Variants in EFEMP1 observed in about 807,000 individuals in gnomAD.
The protein encoded by EFEMP1 is EGF-containing fibulin-like extracellular matrix protein 1.
EFEMP1 carries 18 observed loss-of-function variants against 65.7 expected under a neutral mutation model. That is an observed-to-expected ratio of 0.27 (90% CI 0.19 to 0.41). EFEMP1 has a LOEUF of 0.41. Among genes scored for constraint, EFEMP1 ranks in the 10% least tolerant of loss-of-function variants. The pLI, the probability that EFEMP1 is intolerant of heterozygous loss-of-function variation, is 1.00. For synonymous variants in EFEMP1, 237 were observed against 219.7 expected, an observed-to-expected ratio of 1.08 and a Z score of -0.70; for missense variants, 469 against 624.8, an observed-to-expected ratio of 0.75 and a Z score of 2.66.
In EFEMP1 at chr2:55,917,382, G is replaced by T. The variant is rs746343797; in HGVS notation, c.517+283C>A. On this transcript the variant is annotated intron_variant, in intron 5 of 11. Transcript: ENST00000355426. This position sits in a 1 kb window ranked among gnomAD's most constrained non-coding sequence, Gnocchi z 6.3. ...TTTAACTGGGCTGGGGTGTAGCTTC[G>T]CCATCGAGAAGTTTTAAAGGTTCCC... 6.6e-6 allele frequency among the ~76,000 whole-genome samples: 1 copy of T among 152,102 alleles called. No homozygotes were observed. Among genetic ancestry groups the T allele is most frequent in the Non-Finnish European group, 1.5e-5 (1 of 68,032 alleles).
chr2:55,900,005 A>C (rs1669972445), intron 5 of EFEMP1, among the ~76,000 whole-genome samples: 1 of 152,104 alleles, frequency 6.6e-6, no homozygotes, highest in African/African-American at 2.4e-5. Flanking sequence ...CCACTTCTTC[A>C]AATTTGTTCC....
Position 55,871,178 on chromosome 2 carries a change from T to G in EFEMP1, c.1001-55A>C. 2 of 1,609,726 alleles carry G rather than the reference T, an allele frequency of 1.2e-6. No individual in the cohort carries two copies. The highest frequency in any genetic ancestry group is 1.7e-6 in the Non-Finnish European group (2 of 1,178,252). On this transcript the variant is annotated intron_variant, in intron 9 of 11. Transcript: ENST00000355426. The surrounding 1 kb of genome is among the most constrained non-coding windows in gnomAD (Gnocchi z 4.2). The stretch of plus-strand genomic sequence containing the variant: ...TAACTAAACTAATGAACTGATCTAA[T>G]TAAATCATATAACTGGCAGATTCTG...
Position 55,873,582 on chromosome 2 carries a change from T to C in EFEMP1, c.1000+1364A>G, listed in dbSNP as rs1402050622. On this transcript the variant is annotated intron_variant, in intron 9 of 11. Transcript: ENST00000355426. The surrounding 1 kb of genome is among the most constrained non-coding windows in gnomAD (Gnocchi z 4.6). Reference sequence around the variant, plus strand: ...AGCTAACATTTTCTTGCATGTAATATGCATGTTGAAAGTCTCAATTAGGGT... The same window carrying C: ...AGCTAACATTTTCTTGCATGTAATACGCATGTTGAAAGTCTCAATTAGGGT... 1.3e-5 allele frequency among the ~76,000 whole-genome samples: 2 copies of C among 152,078 alleles called. No homozygotes were observed. Among genetic ancestry groups the C allele is most frequent in the African/African-American group, 4.8e-5 (2 of 41,436 alleles).
rs1419090718 is a variant in EFEMP1, at chr2:55,866,372, C to T, written c.*701G>A. On this transcript the variant is annotated 3_prime_UTR_variant, in exon 12 of 12. Transcript: ENST00000355426. ...AGGAATTTATTTTCTCATATCCTCC[C>T]CATAGATTTCTCAATAGTATAATTT... 2 of 152,070 alleles carry T rather than the reference C, an allele frequency of 1.3e-5. No individual in the cohort carries two copies. Among genetic ancestry groups the T allele is most frequent in the Non-Finnish European group, 2.9e-5 (2 of 68,018 alleles). The allele number at this position is 152,070 out of a possible 1,614,324, so 9.4% of individuals were successfully genotyped here. A position where few individuals can be genotyped will look rare whatever the true frequency, so the allele number is the denominator to read the frequency against.
rs1669088195 is a variant in EFEMP1 at position 55,877,673 on chromosome 2, C to T, written c.760+73G>A. 1 of 1,604,230 alleles carries T rather than the reference C, an allele frequency of 6.2e-7. No individual in the cohort carries two copies. The highest frequency in any genetic ancestry group is 1.1e-5 in the South Asian group (1 of 90,544). On this transcript the variant is annotated intron_variant, in intron 7 of 11. Transcript: ENST00000355426. This position sits in a 1 kb window ranked among gnomAD's most constrained non-coding sequence, Gnocchi z 4.5. ...ACTATTTACTCAAGAACATAGAAAA[C>T]TGGAAATACTGCAACATGGCATGGG...
intron 5 of EFEMP1, among the ~76,000 whole-genome samples, chr2:55,908,062 T>G (rs1670347705): frequency 6.6e-6 from 1 of 152,212 alleles, no homozygotes; most frequent in Admixed American, 6.5e-5. Flanking sequence ...TCCTGAGAGC[T>G]ATGACTTTTT....
intron 5 of EFEMP1, among the ~76,000 whole-genome samples, chr2:55,889,483 C>T (rs942789837): frequency 6.6e-6 from 1 of 152,142 alleles, no homozygotes; most frequent in African/African-American, 2.4e-5. Flanking sequence ...CAATGTTTCT[C>T]CATATGCCTC....
rs916057628 is a variant in EFEMP1 at position 55,921,456 on chromosome 2, G to A, written c.81+904C>T. Among the ~76,000 whole-genome samples, 3 of 152,074 alleles carry A rather than the reference G, an allele frequency of 2.0e-5. No homozygotes were observed. Among genetic ancestry groups the A allele is most frequent in the Admixed American group, 6.5e-5 (1 of 15,274 alleles). On this transcript the variant is annotated intron_variant, in intron 3 of 11. Coordinates refer to ENST00000355426, the MANE Select transcript of EFEMP1 (RefSeq NM_001039348.3). This position sits in a 1 kb window ranked among gnomAD's most constrained non-coding sequence, Gnocchi z 4.1. ...TTTCAAAAATTTTTCACATTCTTTC[G>A]AGTAGGATTACTTAATTTTAAACTG...
chr2:55,876,565 AAAC>A, intron 8 of EFEMP1, 55 bp downstream of exon 8: 1 of 1,598,940 alleles, frequency 6.3e-7, no homozygotes, highest in Non-Finnish European at 8.5e-7. Flanking sequence ...TAATCAGATA[AAAC>A]AACAGCAGTC....
intron 5 of EFEMP1, 47 bp from the exon 6 acceptor site, chr2:55,881,781 TTGA>T: frequency 3.1e-6 from 5 of 1,613,454 alleles, no homozygotes; most frequent in Non-Finnish European, 4.2e-6. Context: ...TGTGAAGATG[TTGA>T]TATTTCCTCC....
chr2:55,880,202 GTCGAGGAATGTAGACTTGATT>G (rs1449569816), intron 6 of EFEMP1, among the ~76,000 whole-genome samples: 7 of 152,248 alleles, frequency 4.6e-5, no homozygotes, highest in African/African-American at 1.7e-4. Flanking sequence ...TTCATGCTCT[GTCGAGGAATGTAGACTTGATT>G]CTCTCAGTGA....
At chr2:55,878,558 A>C (rs1482694807) in intron 6 of EFEMP1, among the ~76,000 whole-genome samples, 2 of 152,214 alleles carry the variant, frequency 1.3e-5, no homozygotes, top group South Asian at 2.1e-4. Flanking sequence ...TCATTAATTC[A>C]TGATTCTACA....
intron 9 of EFEMP1, among the ~76,000 whole-genome samples, chr2:55,872,177 C>A (rs1325395457): frequency 6.6e-6 from 1 of 152,116 alleles, no homozygotes; most frequent in Non-Finnish European, 1.5e-5. Context: ...TAAACTTTTT[C>A]TGAATCATTC....
chr2:55,905,407 C>T (rs1243757965), intron 5 of EFEMP1, among the ~76,000 whole-genome samples: 5 of 152,092 alleles, frequency 3.3e-5, no homozygotes, highest in Non-Finnish European at 5.9e-5. Flanking sequence ...GTAAAGTCTG[C>T]CTGTTCCTGA....
At chr2:55,904,973 TTTTTTC>T (rs1266359494) in intron 5 of EFEMP1, among the ~76,000 whole-genome samples, 2 of 36,114 alleles carry the variant, frequency 5.5e-5, no homozygotes, top group Admixed American at 2.6e-4. Flanking sequence ...TGGCTTTTTT[TTTTTTC>T]TTTTTCTTTT....
intron 5 of EFEMP1, among the ~76,000 whole-genome samples, chr2:55,916,338 G>A (rs1044126666): frequency 6.6e-6 from 1 of 152,044 alleles, no homozygotes; most frequent in African/African-American, 2.4e-5. Flanking sequence ...TTGAACTCCC[G>A]ACCTCAGGTG....
chr2:55,894,273 TTTTA>T (rs562714831), intron 5 of EFEMP1, among the ~76,000 whole-genome samples: 14 of 152,284 alleles, frequency 9.2e-5, no homozygotes, highest in Admixed American at 3.3e-4. Flanking sequence ...CAGCAGCAAC[TTTTA>T]TTTATTTATT....
Position 55,867,961 on chromosome 2 carries a change from T to C in EFEMP1, c.1321-727A>G, listed in dbSNP as rs564465300. 1.3e-5 allele frequency among the ~76,000 whole-genome samples: 2 copies of C among 152,164 alleles called. No homozygotes were observed. The highest frequency in any genetic ancestry group is 2.9e-5 in the Non-Finnish European group (2 of 68,002). The stretch of plus-strand genomic sequence containing the variant: ...GTTTGAATGCCAAGGGATAGAGTCA[T>C]GGATTAGTATTTAGCAGTCACCTCA... On this transcript the variant is annotated intron_variant, in intron 11 of 11. Coordinates refer to ENST00000355426, the MANE Select transcript of EFEMP1 (RefSeq NM_001039348.3). The surrounding 1 kb of genome is among the most constrained non-coding windows in gnomAD (Gnocchi z 4.3).
Position 55,877,778 on chromosome 2 carries a change from A to C in EFEMP1, c.728T>G (p.Phe243Cys). The C allele has an allele frequency of 6.2e-7, 1 of 1,613,244 alleles. No homozygotes were observed. The highest frequency in any genetic ancestry group is 8.5e-7 in the Non-Finnish European group (1 of 1,179,362). The stretch of plus-strand genomic sequence containing the variant: ...GGTATAGTTGTTTGCTGCCAATTGA[A>C]ACCCAGGACTGCACTGGCAATAAAA... Reference protein sequence around the residue: ...GSFYCQCSPGFQLAANNYTCV... With the variant: ...GSFYCQCSPGCQLAANNYTCV... Residue 243 changes from phenylalanine (F) to cysteine (C), a missense_variant, in exon 7 of 12, where the codon TTT becomes TGT. By Grantham distance (205) the Phe-to-Cys change is radical (BLOSUM62 -2). This residue lies in a region of EFEMP1 where 399 missense variants were observed against 528.2 expected (regional missense o/e 0.76). Coordinates refer to ENST00000355426, the MANE Select transcript of EFEMP1 (RefSeq NM_001039348.3). This position sits in a 1 kb window ranked among gnomAD's most constrained non-coding sequence, Gnocchi z 4.5.
Sources: allele counts gnomAD v4.1 joint callset (sites outside exome capture counted in the v4.1 genomes callset), GRCh38; gene constraint gnomAD v4.1.1; regional missense constraint gnomAD v4.1.1; non-coding constraint Gnocchi (gnomAD v3.1); transcripts MANE v1.5; gene names NCBI Gene and HGNC (gene_info 2026-07-23, HGNC 2026-07-21).